The following P4HA1 variants were observed in gnomAD, a reference collection of about 807,000 sequenced individuals.
The protein encoded by P4HA1 is prolyl 4-hydroxylase subunit alpha 1, also known as prolyl 4-hydroxylase subunit alpha-1.
In P4HA1, 24 loss-of-function variants were observed where a neutral mutation model predicts 72.8. The ratio of observed to expected loss-of-function variants is 0.33; its 90% CI spans 0.24 to 0.46. P4HA1 has a LOEUF of 0.46. Among genes scored for constraint, P4HA1 ranks in the 20% least tolerant of loss-of-function variants. The pLI is 1.00. For missense variants in P4HA1, 446 were observed against 640.6 expected, an observed-to-expected ratio of 0.70 and a Z score of 3.28; for synonymous variants, 201 against 218.8, an observed-to-expected ratio of 0.92 and a Z score of 0.72.
intron 10 of P4HA1, among the ~76,000 whole-genome samples, chr10:73,024,594 A>G (rs1840221311): frequency 6.6e-6 from 1 of 152,232 alleles, no homozygotes; most frequent in Non-Finnish European, 1.5e-5. Flanking sequence ...GAGAAGCAAG[A>G]GCAAACAAAT....
intron 5 of P4HA1, among the ~76,000 whole-genome samples, chr10:73,064,077 T>C (rs1841368675): frequency 1.3e-5 from 2 of 152,136 alleles, no homozygotes; most frequent in South Asian, 4.1e-4. Flanking sequence ...GGAAGAGGCA[T>C]GGATGACTGA....
intron 1 of P4HA1, among the ~76,000 whole-genome samples, chr10:73,094,084 T>C (rs1036532955): frequency 6.6e-6 from 1 of 151,744 alleles, no homozygotes; most frequent in Non-Finnish European, 1.5e-5. Context: ...CTTCCAAGCC[T>C]GTTCCACTTT....
rs1839874360 is a variant in P4HA1, at chr10:73,009,836, G to C, written c.1505C>G (p.Ala502Gly). The C allele has an allele frequency of 1.2e-6, 2 of 1,606,838 alleles. No homozygotes were observed. Among genetic ancestry groups the C allele is most frequent in the African/African-American group, 1.3e-5 (1 of 74,866 alleles). Residue 502 changes from alanine (A) to glycine (G), a missense_variant, in exon 14 of 15, where the codon GCC (alanine) becomes GGC (glycine). By Grantham distance (60) the Ala-to-Gly change is moderately conservative (BLOSUM62 0). Transcript: ENST00000394890. ...TTTGTTGCCAACTAGCACTGGACAG[G>C]CTGCATGCCGTGTACTATAATCTCC... ...GEGDYSTRHA[A>G]CPVLVGNKWV...
At chr10:73,075,617 T>C (rs1841679592) in intron 1 of P4HA1, among the ~76,000 whole-genome samples, 1 of 152,114 alleles carries the variant, frequency 6.6e-6, no homozygotes, top group Non-Finnish European at 1.5e-5. Context: ...AAATATTAAA[T>C]ATTACCAATA....
chr10:73,031,487 CAT>C (rs1840431520), intron 9 of P4HA1, among the ~76,000 whole-genome samples: 2 of 152,238 alleles, frequency 1.3e-5, no homozygotes, highest in South Asian at 4.1e-4. Flanking sequence ...CCTGTCTCTA[CAT>C]ACATGCTACA....
At chr10:73,060,748 T>C (rs1195390721) in intron 5 of P4HA1, among the ~76,000 whole-genome samples, 3 of 151,860 alleles carry the variant, frequency 2.0e-5, no homozygotes, top group African/African-American at 7.3e-5. Context: ...CTAAAGATGC[T>C]CCCCACTGGC....
At chr10:73,037,426 CAAAG>C (rs1472152429) in intron 9 of P4HA1, among the ~76,000 whole-genome samples, 4 of 147,658 alleles carry the variant, frequency 2.7e-5, no homozygotes, top group African/African-American at 1.0e-4. Context: ...AGGAAAGCTC[CAAAG>C]AAAAATGTCA....
At chr10:73,028,556 C>T (rs970230545) in intron 10 of P4HA1, among the ~76,000 whole-genome samples, 9 of 152,102 alleles carry the variant, frequency 5.9e-5, no homozygotes, top group East Asian at 3.9e-4. Context: ...CTCAGCCTGC[C>T]GAGTAGCTGG....
intron 5 of P4HA1, among the ~76,000 whole-genome samples, chr10:73,062,731 T>A (rs1192117787): frequency 2.0e-5 from 3 of 152,184 alleles, no homozygotes; most frequent in South Asian, 2.1e-4. Flanking sequence ...TGGTCACATA[T>A]GTTTTTAAAA....
chr10:73,027,330 C>T (rs1840299564), intron 10 of P4HA1, among the ~76,000 whole-genome samples: 1 of 151,618 alleles, frequency 6.6e-6, no homozygotes, highest in Non-Finnish European at 1.5e-5. Flanking sequence ...CCATCATTCT[C>T]AGCAAACTCT....
At chr10:73,081,800 G>A (rs12253350) in intron 1 of P4HA1, among the ~76,000 whole-genome samples, 24,080 of 152,156 alleles carry the variant, frequency 0.16, 3,148 homozygotes, top group African/African-American at 0.34. Flanking sequence ...TTTGGGAGGC[G>A]GAGGCTGGCG....
At chr10:73,089,433 T>C (rs765055851) in intron 1 of P4HA1, among the ~76,000 whole-genome samples, 2 of 152,102 alleles carry the variant, frequency 1.3e-5, no homozygotes, top group Admixed American at 1.3e-4. Context: ...GGAAAAAATA[T>C]TTCCCTATCA....
chr10:73,071,673 T>C (rs1841569274), intron 4 of P4HA1, among the ~76,000 whole-genome samples: 1 of 152,054 alleles, frequency 6.6e-6, no homozygotes, highest in East Asian at 1.9e-4. Flanking sequence ...CTTCTCTTTA[T>C]AGTAACACTC....
At chr10:73,071,254 C>T (rs1841555754) in intron 4 of P4HA1, 1 of 151,870 alleles carries the variant, frequency 6.6e-6, no homozygotes, top group Non-Finnish European at 1.5e-5. Flanking sequence ...CAGGCATTTC[C>T]CTCTCACAGT....
intron 1 of P4HA1, among the ~76,000 whole-genome samples, chr10:73,087,268 ATTT>A (rs370759559): frequency 3.2e-4 from 42 of 130,758 alleles, no homozygotes; most frequent in African/African-American, 6.6e-4. Context: ...TAATGCCTTT[ATTT>A]TTTTTTTTTT....
intron 5 of P4HA1, among the ~76,000 whole-genome samples, chr10:73,056,186 T>C (rs1200946527): frequency 3.3e-5 from 5 of 152,208 alleles, no homozygotes; most frequent in Non-Finnish European, 7.3e-5. Context: ...AAACATATTA[T>C]AGCTAAAAAC....
At chr10:73,095,351 T>G (rs2133179374) in intron 1 of P4HA1, among the ~76,000 whole-genome samples, 1 of 151,996 alleles carries the variant, frequency 6.6e-6, no homozygotes, top group South Asian at 2.1e-4. Flanking sequence ...ATACCGATTT[T>G]CTCCATAGAA....
chr10:73,033,897 C>T (rs944687586), intron 9 of P4HA1, among the ~76,000 whole-genome samples: 3 of 152,090 alleles, frequency 2.0e-5, no homozygotes, highest in Non-Finnish European at 2.9e-5. Flanking sequence ...AAATAAAAAC[C>T]TTTTATGCTT....
At position 73,073,823 on chromosome 10, in the gene P4HA1, C is replaced by G; in HGVS notation, c.81G>C (p.Gln27His). ...TCTCAGTATGGATCAAATCAGTCAT[C>G]TGACCTAGAAGGGGAAGAAGGTTAT... is the stretch of plus-strand genomic sequence containing the variant. ...AHPGFFTSIG[Q>H]MTDLIHTEKD... Residue 27 changes from glutamine (Q) to histidine (H), a missense_variant, in exon 3 of 15, where the codon CAG becomes CAC. Coordinates refer to ENST00000394890, the MANE Select transcript of P4HA1 (RefSeq NM_001017962.3). The G allele has an allele frequency of 6.6e-7, 1 of 1,507,320 alleles. No homozygotes were observed. Among genetic ancestry groups the G allele is most frequent in the South Asian group, 1.1e-5 (1 of 88,924 alleles). The allele number at this position is 1,507,320 out of a possible 1,614,324, so 93.4% of individuals were successfully genotyped here. A position where few individuals can be genotyped will look rare whatever the true frequency, so the allele number is the denominator to read the frequency against.
Sources: allele counts gnomAD v4.1 joint callset (sites outside exome capture counted in the v4.1 genomes callset), GRCh38; gene constraint gnomAD v4.1.1; transcripts MANE v1.5; gene names NCBI Gene and HGNC (gene_info 2026-07-23, HGNC 2026-07-21).